MOK: variants seen among roughly 807,000 people sequenced by gnomAD.
The protein encoded by MOK is MOK protein kinase.
Under a neutral mutation model 54.2 loss-of-function variants are expected in MOK, and 59 were observed. The ratio of observed to expected loss-of-function variants is 1.09; its 90% CI spans 0.88 to 1.35. The LOEUF is 1.35. MOK is among the 40% of genes most tolerant of loss of function. The pLI is 0.00. For missense variants in MOK, 517 were observed against 526.2 expected (o/e 0.98, Z 0.17); for synonymous variants, 210 against 202.7 (o/e 1.04, Z -0.31).
At chr14:102,256,482 G>A (rs1191651989) in intron 4 of MOK, among the ~76,000 whole-genome samples, 2 of 151,928 alleles carry the variant, frequency 1.3e-5, no homozygotes, top group African/African-American at 4.8e-5. Context: ...GCTGAGGCAG[G>A]AGAATGGCGT....
At chr14:102,226,039 G>C, downstream of MOK, 2 of 466,668 alleles carry the variant, frequency 4.3e-6, no homozygotes, top group Non-Finnish European at 7.6e-6. The surrounding 1 kb of genome is among the most constrained non-coding windows in gnomAD (Gnocchi z 4.8). Context: ...CTTGTGGCAG[G>C]CTGGCTGCAC....
intron 7 of MOK, among the ~76,000 whole-genome samples, chr14:102,250,163 C>T (rs781583481): frequency 6.6e-6 from 1 of 152,170 alleles, no homozygotes; most frequent in Non-Finnish European, 1.5e-5. Context: ...GTTGAGCAGG[C>T]GGGACCAGAC....
At chr14:102,278,588 C>T in intron 2 of MOK, 1 of 448,866 alleles carries the variant, frequency 2.2e-6, no homozygotes, top group Admixed American at 2.4e-5. Flanking sequence ...AGATCACCAG[C>T]TCAGGACCTA....
intron 4 of MOK, 98 bp downstream of exon 4, chr14:102,263,448 G>A: frequency 1.2e-6 from 1 of 862,136 alleles, no homozygotes; most frequent in Non-Finnish European, 1.8e-6. Context: ...TATAACTACA[G>A]CACTATGGTG....
intron 10 of MOK, chr14:102,229,876 A>C: frequency 7.2e-6 from 4 of 552,526 alleles, no homozygotes; most frequent in South Asian, 4.7e-5. Context: ...AACCTGAAGA[A>C]TGCCGACTGC....
intron 2 of MOK, among the ~76,000 whole-genome samples, chr14:102,277,661 T>C (rs1471000241): frequency 6.6e-6 from 1 of 150,560 alleles, no homozygotes; most frequent in Non-Finnish European, 1.5e-5. Flanking sequence ...ACAGTAATGA[T>C]GAATCTCAAA....
downstream of MOK, among the ~76,000 whole-genome samples, chr14:102,227,836 T>TGGGGCC (rs2064315902): frequency 6.6e-6 from 1 of 152,300 alleles, no homozygotes; most frequent in South Asian, 2.1e-4. Flanking sequence ...GGCCTGGGGC[T>TGGGGCC]GGGGCCAGGA....
At chr14:102,283,874 T>C (rs1383266305) in intron 1 of MOK, among the ~76,000 whole-genome samples, 3 of 152,014 alleles carry the variant, frequency 2.0e-5, no homozygotes, top group Admixed American at 6.6e-5. Flanking sequence ...ATTCAGAAGA[T>C]AGAGGAGCAG....
rs151191552 is a variant in MOK, at chr14:102,245,094, C to A, written c.590+5718G>T. ...TCCTTTAATACCTGTTTTTCTCCTT[C>A]TCTTATTTGGACCTTGTGTCTTCCG... On this transcript the variant is annotated intron_variant, in intron 7 of 11. Transcript: ENST00000361847. This position sits in a 1 kb window ranked among gnomAD's most constrained non-coding sequence, Gnocchi z 4.3. Among the ~76,000 whole-genome samples, 704 of 152,244 alleles carry A rather than the reference C, an allele frequency of 4.6e-3. 6 individuals are homozygous for A. The highest frequency in any genetic ancestry group is 0.016 in the African/African-American group (653 of 41,532).
chr14:102,254,266 G>C (rs985264452), intron 4 of MOK, among the ~76,000 whole-genome samples: 2 of 152,208 alleles, frequency 1.3e-5, no homozygotes, highest in African/African-American at 4.8e-5. Flanking sequence ...GGGATTACAG[G>C]CTTGAGCCAC....
intron 1 of MOK, among the ~76,000 whole-genome samples, chr14:102,302,485 A>T (rs978307379): frequency 2.6e-5 from 4 of 151,236 alleles, no homozygotes; most frequent in African/African-American, 9.7e-5. Context: ...GCCCGATCTC[A>T]GCTCACTGCA....
At chr14:102,276,346 G>A (rs1006456506) in intron 2 of MOK, among the ~76,000 whole-genome samples, 14 of 152,024 alleles carry the variant, frequency 9.2e-5, no homozygotes, top group South Asian at 2.1e-4. Context: ...AAAATTAGCC[G>A]GGCGTGGTGG....
rs71468398 is a variant in MOK at position 102,300,323 on chromosome 14, C to CAAAA, written c.7+4635_7+4638dup. 5.2e-3 allele frequency among the ~76,000 whole-genome samples: 200 copies of CAAAA among 38,420 alleles called. 1 individual carries two copies. The highest frequency in any genetic ancestry group is 0.031 in the East Asian group (42 of 1,334). The allele number at this position is 38,420 out of a possible 152,430, so 25.2% of individuals were successfully genotyped here. ...TAGGCAACAGGGCAAAACTCTATCT[C>CAAAA]AAAAAAAAAAAAAAAAAAAAAAAGC... On this transcript the variant is annotated intron_variant, in intron 1 of 11. Transcript: ENST00000361847.
At chr14:102,293,240 A>G (rs1172105782) in intron 1 of MOK, among the ~76,000 whole-genome samples, 1 of 152,240 alleles carries the variant, frequency 6.6e-6, no homozygotes, top group Non-Finnish European at 1.5e-5. Flanking sequence ...TATCAAGGAA[A>G]TGTTCTAACA....
chr14:102,249,025 C>T lies in MOK; in HGVS notation c.590+1787G>A, dbSNP rs1050643244. On this transcript the variant is annotated intron_variant, in intron 7 of 11. Coordinates refer to ENST00000361847, the MANE Select transcript of MOK (RefSeq NM_014226.3). The surrounding 1 kb of genome is among the most constrained non-coding windows in gnomAD (Gnocchi z 5.3). The stretch of plus-strand genomic sequence containing the variant: ...CAGGCAGACTCGCTCACACGGAACG[C>T]GAGGAACTCAGCCTGGCGTGTGCAG... Among the ~76,000 whole-genome samples the T allele has an allele frequency of 1.3e-5, 2 of 151,970 alleles. No homozygotes were observed. Among genetic ancestry groups the T allele is most frequent in the Non-Finnish European group, 2.9e-5 (2 of 68,016 alleles).
chr14:102,251,756 C>G lies in MOK; in HGVS notation c.411G>C (p.Lys137Asn), dbSNP rs149850506. 1,152 of 1,567,256 alleles carry G rather than the reference C, an allele frequency of 7.4e-4. 7 individuals are homozygous for G. The African/African-American group carries it at 0.014, about 19-fold the overall frequency. Residue 137 changes from lysine (K) to asparagine (N), a missense_variant and splice_region_variant, in exon 6 of 12, where the codon AAG becomes AAC. Physicochemically the swap from Lys to Asn is moderately conservative, Grantham distance 94. Transcript: ENST00000361847. ...RDVKPENILI[K>N]QDVLKLGDFG... ...CCAGCTTTCATGTAAAAGCTCTTAC[C>G]TTTATTAGTATATTTTCTGGTTTTA... is the stretch of plus-strand genomic sequence containing the variant.
intron 2 of MOK, among the ~76,000 whole-genome samples, chr14:102,266,665 C>T (rs2067939305): frequency 6.6e-6 from 1 of 152,144 alleles, no homozygotes; most frequent in African/African-American, 2.4e-5. Context: ...TCACTGCAAC[C>T]TCTGCCTCCC....
rs762631956 is a variant in MOK at position 102,229,315 on chromosome 14, T to C, written c.1234A>G (p.Thr412Ala). Reference protein sequence around the residue: ...KPAPQQCRLPTIVRKGGR With the variant: ...KPAPQQCRLPAIVRKGGR Reference sequence around the variant, plus strand: ...TATCTTCCGCCTTTCCGCACTATGGTGGGCAGGCGACACTGCTGCGGGGCA... The same window carrying C: ...TATCTTCCGCCTTTCCGCACTATGGCGGGCAGGCGACACTGCTGCGGGGCA... Residue 412 changes from threonine (T) to alanine (A), a missense_variant, in exon 12 of 12, where the codon ACC becomes GCC. Thr to Ala is a moderately conservative substitution (Grantham distance 58). Transcript: ENST00000361847. The C allele has an allele frequency of 6.2e-7, 1 of 1,612,144 alleles. No homozygotes were observed. Among genetic ancestry groups the C allele is most frequent in the Non-Finnish European group, 8.5e-7 (1 of 1,178,880 alleles).
intron 2 of MOK, among the ~76,000 whole-genome samples, chr14:102,272,242 G>A (rs549305566): frequency 1.3e-5 from 2 of 152,214 alleles, no homozygotes; most frequent in Admixed American, 1.3e-4. Context: ...TAATCCTAGT[G>A]CTTTGGGAGG....
Sources: allele counts gnomAD v4.1 joint callset (sites outside exome capture counted in the v4.1 genomes callset), GRCh38; gene constraint gnomAD v4.1.1; non-coding constraint Gnocchi (gnomAD v3.1); transcripts MANE v1.5; gene names NCBI Gene and HGNC (gene_info 2026-07-23, HGNC 2026-07-21).